Variants in LDLRAD3 observed in about 807,000 individuals in gnomAD.
LDLRAD3 encodes the protein low-density lipoprotein receptor class A domain-containing protein 3.
Under a neutral mutation model 29.4 loss-of-function variants are expected in LDLRAD3, and 20 were observed. The observed-to-expected ratio is 0.68, with a 90% CI of 0.48 to 0.99. LDLRAD3 has a LOEUF of 0.99. Ranked by LOEUF, LDLRAD3 falls within the 50% of genes least tolerant of loss-of-function variation. LDLRAD3 has a pLI of 0.00. For synonymous variants in LDLRAD3, 157 were observed against 192.7 expected, an observed-to-expected ratio of 0.81 and a Z score of 1.53; for missense variants, 420 against 454.3, an observed-to-expected ratio of 0.92 and a Z score of 0.69.
intron 4 of LDLRAD3, among the ~76,000 whole-genome samples, chr11:36,158,801 T>A (rs1029513790): frequency 2.6e-5 from 4 of 152,170 alleles, no homozygotes; most frequent in Non-Finnish European, 5.9e-5. Context: ...TTATTTTTTT[T>A]AATTGATACG....
chr11:36,120,017 A>C (rs1853730796), intron 4 of LDLRAD3, among the ~76,000 whole-genome samples: 1 of 152,170 alleles, frequency 6.6e-6, no homozygotes, highest in African/African-American at 2.4e-5. Flanking sequence ...GTATGGTGGG[A>C]GTTACGCATC....
chr11:36,125,940 A>G (rs935375951), intron 4 of LDLRAD3, among the ~76,000 whole-genome samples: 1 of 152,092 alleles, frequency 6.6e-6, no homozygotes. Context: ...AAGGCAGCTG[A>G]TAGAGAAGCT....
chr11:36,227,526 G>T, intron 5 of LDLRAD3, 96 bp downstream of exon 5: 3 of 969,192 alleles, frequency 3.1e-6, no homozygotes, highest in Non-Finnish European at 4.5e-6. Context: ...CTTGCCAAGA[G>T]CCTGGCTTCA....
chr11:35,949,901 T>C (rs953205547), intron 1 of LDLRAD3, among the ~76,000 whole-genome samples: 1 of 152,236 alleles, frequency 6.6e-6, no homozygotes, highest in Admixed American at 6.5e-5. Flanking sequence ...AACCATGCCC[T>C]CTTGGAAAAG....
Position 36,145,869 on chromosome 11 carries a change from G to C in LDLRAD3, c.454+47408G>C, listed in dbSNP as rs1218842370. Among the ~76,000 whole-genome samples the C allele has an allele frequency of 2.0e-5, 3 of 151,732 alleles. No individual in the cohort carries two copies. In the South Asian group the frequency reaches 6.3e-4, roughly 32 times the overall value. ...AAGTACCCAGGGACACAAACACTGCGGAAGGCTGCAGGGTCCTCTGCCTAG... is the reference window on the plus strand; with the variant it reads ...AAGTACCCAGGGACACAAACACTGCCGAAGGCTGCAGGGTCCTCTGCCTAG... On this transcript the variant is annotated intron_variant, in intron 4 of 5. Transcript: ENST00000315571.
At position 36,212,502 on chromosome 11, in the gene LDLRAD3, A is replaced by T. The variant is rs183910342; in HGVS notation, c.455-14583A>T. On this transcript the variant is annotated intron_variant, in intron 4 of 5. Transcript: ENST00000315571. ...TTAGTGGCAATCTGAATTCCTACTT[A>T]AAAAATGCCATTGCACTCTAGCCTG... 6.6e-5 allele frequency among the ~76,000 whole-genome samples: 10 copies of T among 152,074 alleles called. No individual in the cohort carries two copies. In the East Asian group the frequency reaches 7.7e-4, roughly 12 times the overall value.
chr11:36,121,652 G>A (rs1005754413), intron 4 of LDLRAD3, among the ~76,000 whole-genome samples: 3 of 152,238 alleles, frequency 2.0e-5, no homozygotes, highest in African/African-American at 7.2e-5. Flanking sequence ...GCACAGAAGT[G>A]TTCAGGCAGG....
chr11:35,995,288 T>C (rs1258919094), intron 1 of LDLRAD3, among the ~76,000 whole-genome samples: 1 of 152,242 alleles, frequency 6.6e-6, no homozygotes, highest in Non-Finnish European at 1.5e-5. Flanking sequence ...TTAATCTTCT[T>C]GAATGTCTCC....
intron 1 of LDLRAD3, among the ~76,000 whole-genome samples, chr11:36,014,283 G>A (rs1260013345): frequency 6.6e-6 from 1 of 152,232 alleles, no homozygotes; most frequent in Non-Finnish European, 1.5e-5. Context: ...CTGAGAAAGA[G>A]AGACAGACAG....
At chr11:35,957,964 A>G (rs183266218) in intron 1 of LDLRAD3, among the ~76,000 whole-genome samples, 35 of 152,274 alleles carry the variant, frequency 2.3e-4, no homozygotes, top group African/African-American at 7.5e-4. Context: ...ATAGTTTGCA[A>G]TGTGTACAAA....
rs143183890 is a variant in LDLRAD3, at chr11:36,098,522, C to A, written c.454+61C>A. 2,619 of 1,587,430 alleles carry A rather than the reference C, an allele frequency of 1.6e-3. 32 individuals carry two copies. In the African/African-American group the frequency reaches 0.028, roughly 17 times the overall value. On this transcript the variant is annotated intron_variant, in intron 4 of 5. Transcript: ENST00000315571. ...ACACAACACTGCAGTAATGGAACAC[C>A]CTGAAAGGCAGAAAGCAACACCCAT...
intron 2 of LDLRAD3, among the ~76,000 whole-genome samples, chr11:36,058,278 G>T (rs1247779416): frequency 6.6e-6 from 1 of 152,110 alleles, no homozygotes; most frequent in African/African-American, 2.4e-5. Flanking sequence ...CACAACACTG[G>T]AATCTCACTG....
intron 2 of LDLRAD3, among the ~76,000 whole-genome samples, chr11:36,067,030 G>T (rs534044966): frequency 6.6e-6 from 1 of 152,174 alleles, no homozygotes; most frequent in African/African-American, 2.4e-5. Context: ...GCCATAACCT[G>T]TTTCAACTCT....
Position 35,944,117 on chromosome 11 carries a change from C to G in LDLRAD3, c.19C>G (p.Leu7Val). ...CCGCGCCATGTGGCTGCTGGGGCCG[C>G]TGTGCCTGCTGCTGAGCAGCGCCGC... Reference protein sequence around the residue: MWLLGPLCLLLSSAAES... With the variant: MWLLGPVCLLLSSAAES... The change falls in exon 1 of 6, where the codon CTG becomes GTG. Residue 7 changes from leucine to valine, a missense_variant. Transcript: ENST00000315571. The surrounding 1 kb of genome is among the most constrained non-coding windows in gnomAD (Gnocchi z 4.9). The G allele has an allele frequency of 4.7e-6, 5 of 1,063,508 alleles. No individual in the cohort carries two copies. The highest frequency in any genetic ancestry group is 5.7e-6 in the Non-Finnish European group (5 of 881,456). 65.9% of individuals were successfully genotyped at this position (1,063,508 alleles called of 1,614,324 possible).
chr11:35,968,773 A>C, intron 1 of LDLRAD3: 1 of 160,794 alleles, frequency 6.2e-6, no homozygotes, highest in Non-Finnish European at 1.4e-5. Flanking sequence ...AACATAGGCA[A>C]GATCTATTGC....
intron 4 of LDLRAD3, among the ~76,000 whole-genome samples, chr11:36,203,141 T>G (rs1281961386): frequency 6.6e-6 from 1 of 151,442 alleles, no homozygotes; most frequent in Non-Finnish European, 1.5e-5. Flanking sequence ...CTCACTGTGT[T>G]GCCCAGGCTG....
At chr11:36,136,276 C>T (rs1159675474) in intron 4 of LDLRAD3, among the ~76,000 whole-genome samples, 6 of 152,202 alleles carry the variant, frequency 3.9e-5, no homozygotes, top group Non-Finnish European at 8.8e-5. Context: ...GTAGACTTCA[C>T]AACAACCCCA....
At chr11:36,142,397 T>C (rs1021339438) in intron 4 of LDLRAD3, among the ~76,000 whole-genome samples, 1 of 152,232 alleles carries the variant, frequency 6.6e-6, no homozygotes, top group Admixed American at 6.5e-5. Context: ...ATATTCCGTT[T>C]AGTAGCTGCT....
rs563973396 is a variant in LDLRAD3 at position 35,999,011 on chromosome 11, C to T, written c.47-37092C>T. ...ATGAGGGCCAACTCTATACCTGACA[C>T]TGTGTAAAGCCCTGGATGTGTGATA... On this transcript the variant is annotated intron_variant, in intron 1 of 5. Transcript: ENST00000315571. Among the ~76,000 whole-genome samples, 3 of 152,336 alleles carry T rather than the reference C, an allele frequency of 2.0e-5. No individual in the cohort carries two copies. The South Asian group carries it at 6.2e-4, about 32-fold the overall frequency.
Sources: gnomAD v4.1 joint callset for allele counts (sites outside exome capture counted in the v4.1 genomes callset) on GRCh38, gnomAD v4.1.1 for gene constraint, Gnocchi (gnomAD v3.1) non-coding constraint, MANE v1.5 for transcripts, NCBI Gene and HGNC (gene_info 2026-07-23, HGNC 2026-07-21) for gene names.